LYPD6B: variants seen among roughly 807,000 people sequenced by gnomAD.
LYPD6B encodes LY6/PLAUR domain containing 6B, also known as ly6/PLAUR domain-containing protein 6B.
A neutral mutation model predicts 22.8 loss-of-function variants in LYPD6B; 17 were observed. The ratio of observed to expected loss-of-function variants is 0.75; its 90% confidence interval spans 0.51 to 1.12. LYPD6B has a LOEUF of 1.12. Among genes scored for constraint, LYPD6B ranks in the 50% most tolerant of loss-of-function variants. LYPD6B has a pLI of 0.00. For synonymous variants in LYPD6B, 106 were observed against 91.6 expected (o/e 1.16, Z -0.90); for missense variants, 221 against 258.3 (o/e 0.86, Z 0.99).
intron 3 of LYPD6B, among the ~76,000 whole-genome samples, chr2:149,193,524 G>A (rs1015076503): frequency 1.3e-5 from 2 of 152,046 alleles, no homozygotes; most frequent in African/African-American, 4.8e-5. Context: ...TAGAAGAGGG[G>A]GAAGAGGAAA....
chr2:149,120,538 A>G (rs924820303), intron 1 of LYPD6B, among the ~76,000 whole-genome samples: 1 of 148,286 alleles, frequency 6.7e-6, no homozygotes, highest in Non-Finnish European at 1.5e-5. Context: ...GCCCGCCACC[A>G]CACATGCCTA....
At chr2:149,207,963 G>A (rs1693605310) in intron 4 of LYPD6B, among the ~76,000 whole-genome samples, 1 of 152,078 alleles carries the variant, frequency 6.6e-6, no homozygotes, top group Admixed American at 6.6e-5. Flanking sequence ...TTTCAGGGAT[G>A]ACACGTGTGT....
At chr2:149,169,675 C>A (rs953341940) in intron 3 of LYPD6B, among the ~76,000 whole-genome samples, 2 of 152,152 alleles carry the variant, frequency 1.3e-5, no homozygotes, top group African/African-American at 2.4e-5. Flanking sequence ...CCTGTTATCA[C>A]CAGAGGCCAG....
At chr2:149,049,122 T>C (rs1574871453) in intron 1 of LYPD6B, among the ~76,000 whole-genome samples, 1 of 152,330 alleles carries the variant, frequency 6.6e-6, no homozygotes, top group East Asian at 1.9e-4. Context: ...GTCCACCCTA[T>C]AGAATCAGTT....
chr2:149,125,439 A>G (rs1445629361), intron 1 of LYPD6B, among the ~76,000 whole-genome samples: 3 of 152,152 alleles, frequency 2.0e-5, no homozygotes, highest in Admixed American at 2.0e-4. Flanking sequence ...GGGCCATGGA[A>G]TTCTCTGGAG....
intron 2 of LYPD6B, among the ~76,000 whole-genome samples, chr2:149,147,163 G>T (rs112905468): frequency 3.5e-4 from 54 of 152,298 alleles, no homozygotes; most frequent in African/African-American, 1.2e-3. Context: ...TCTGCTTCCA[G>T]GAGGCTTGGG....
chr2:149,200,084 A>G (rs987421232), intron 3 of LYPD6B, among the ~76,000 whole-genome samples: 1 of 152,172 alleles, frequency 6.6e-6, no homozygotes, highest in Non-Finnish European at 1.5e-5. Context: ...TTTGCCTTCT[A>G]TTCTTTTTAC....
chr2:149,173,837 T>A (rs1316014290), intron 3 of LYPD6B, among the ~76,000 whole-genome samples: 3 of 152,230 alleles, frequency 2.0e-5, no homozygotes, highest in Non-Finnish European at 4.4e-5. Flanking sequence ...TTCAGAGATT[T>A]GTTTATTTGT....
At chr2:149,135,249 T>TAAA (rs36032140) in intron 2 of LYPD6B, among the ~76,000 whole-genome samples, 52,531 of 136,316 alleles carry the variant, frequency 0.39, 10,485 homozygotes, top group East Asian at 0.53. Context: ...TGTCTCAAAT[T>TAAA]AAAAAAAAAA....
At chr2:149,129,001 T>G (rs987919773) in intron 1 of LYPD6B, among the ~76,000 whole-genome samples, 1 of 152,216 alleles carries the variant, frequency 6.6e-6, no homozygotes, top group African/African-American at 2.4e-5. Flanking sequence ...TCATCTCTTT[T>G]CTGATGAAAA....
intron 1 of LYPD6B, chr2:149,101,228 A>G (rs1309138062): frequency 6.6e-6 from 1 of 152,296 alleles, no homozygotes; most frequent in Admixed American, 6.5e-5. Context: ...CCAGTCTCCA[A>G]TGTAGCAGGT....
chr2:149,131,054 A>C, intron 2 of LYPD6B, 101 bp downstream of exon 2: 1 of 800,620 alleles, frequency 1.2e-6, no homozygotes, highest in Non-Finnish European at 2.2e-6. Flanking sequence ...TATATTAAAC[A>C]TTTGTGATCT....
chr2:149,060,987 T>C (rs563855337), intron 1 of LYPD6B, among the ~76,000 whole-genome samples: 56 of 152,254 alleles, frequency 3.7e-4, no homozygotes, highest in Admixed American at 1.2e-3. Flanking sequence ...GAACTTAACC[T>C]TTGGGCCTAG....
At chr2:149,151,010 T>A (rs188488253) in intron 2 of LYPD6B, among the ~76,000 whole-genome samples, 2 of 152,312 alleles carry the variant, frequency 1.3e-5, no homozygotes, top group Non-Finnish European at 2.9e-5. Flanking sequence ...AATAACCCGA[T>A]GACATTTTTA....
At chr2:149,203,326 A>T (rs10490388) in intron 3 of LYPD6B, among the ~76,000 whole-genome samples, 16,717 of 152,208 alleles carry the variant, frequency 0.11, 1,019 homozygotes, top group Non-Finnish European at 0.11. Context: ...AGAACACTTG[A>T]ATATTGCTAC....
chr2:149,101,771 T>TA (rs1275389676), intron 1 of LYPD6B, among the ~76,000 whole-genome samples: 7 of 152,244 alleles, frequency 4.6e-5, no homozygotes, highest in Admixed American at 3.9e-4. Flanking sequence ...GTCAGACTTT[T>TA]ATGTGAACTC....
chr2:149,087,227 C>T lies in LYPD6B; in HGVS notation c.-66-43656C>T, dbSNP rs565594850. On this transcript the variant is annotated intron_variant, in intron 1 of 6. Coordinates refer to ENST00000409642, the MANE Select transcript of LYPD6B (RefSeq NM_177964.5). ...TCCTAAACAGTGCTCTGGTGTGCCA[C>T]TTTCCCTTCTCCCTTCCCCTGAAGA... Among the ~76,000 whole-genome samples, 18 of 152,268 alleles carry T rather than the reference C, an allele frequency of 1.2e-4. No individual in the cohort carries two copies. The South Asian group carries it at 3.7e-3, about 32-fold the overall frequency.
At chr2:149,178,732 C>G (rs1049163358) in intron 3 of LYPD6B, among the ~76,000 whole-genome samples, 2 of 152,198 alleles carry the variant, frequency 1.3e-5, no homozygotes, top group African/African-American at 4.8e-5. Flanking sequence ...GGAAACCAGT[C>G]AGTGGTATAT....
At chr2:149,071,503 C>G (rs1301816891) in intron 1 of LYPD6B, among the ~76,000 whole-genome samples, 1 of 152,152 alleles carries the variant, frequency 6.6e-6, no homozygotes, top group Non-Finnish European at 1.5e-5. Flanking sequence ...ATCTCAAAAT[C>G]TAGGATAAGA....
Sources: allele counts gnomAD v4.1 joint callset (sites outside exome capture counted in the v4.1 genomes callset), GRCh38; gene constraint gnomAD v4.1.1; transcripts MANE v1.5; gene names NCBI Gene and HGNC (gene_info 2026-07-23, HGNC 2026-07-21).